The following XKR9 variants were observed in gnomAD, a reference collection of about 807,000 sequenced individuals.
XKR9 encodes the protein XK-related protein 9.
Under a neutral mutation model 32.0 loss-of-function variants are expected in XKR9, and 32 were observed. That is an observed-to-expected ratio of 1.00 (90% CI 0.76 to 1.34). The LOEUF (loss-of-function observed/expected upper bound fraction) is 1.34. Among genes scored for constraint, XKR9 ranks in the 40% most tolerant of loss-of-function variants. The pLI, the probability that XKR9 is intolerant of heterozygous loss-of-function variation, is 0.00. For missense variants in XKR9, 546 were observed against 429.7 expected (o/e 1.27, Z -2.39); for synonymous variants, 168 against 143.4 (o/e 1.17, Z -1.22).
At chr8:71,010,208 AGT>A in the XKR9 span, among the ~76,000 whole-genome samples, 1 of 152,214 alleles carries the variant, frequency 6.6e-6, no homozygotes, top group East Asian at 1.9e-4. Flanking sequence ...GCTGATAAGA[AGT>A]GTTTTCTGAA....
the XKR9 span, among the ~76,000 whole-genome samples, chr8:70,815,899 G>A: frequency 6.6e-6 from 1 of 152,000 alleles, no homozygotes; most frequent in African/African-American, 2.4e-5. Flanking sequence ...ATCATTGATG[G>A]GCATTTAAGT....
chr8:70,990,759 GAGAGAGAGAA>G, the XKR9 span, among the ~76,000 whole-genome samples: 1 of 140,810 alleles, frequency 7.1e-6, no homozygotes. Context: ...GAGAGAGAGA[GAGAGAGAGAA>G]AGAGAGAGAG....
intron 2 of XKR9, among the ~76,000 whole-genome samples, chr8:70,761,055 A>T (rs1003068587): frequency 6.6e-6 from 1 of 152,222 alleles, no homozygotes; most frequent in East Asian, 1.9e-4. Context: ...ATTCTTTTCT[A>T]TGGCTGCATA....
chr8:70,997,163 G>A, the XKR9 span, among the ~76,000 whole-genome samples: 1 of 152,034 alleles, frequency 6.6e-6, no homozygotes, highest in African/African-American at 2.4e-5. Context: ...CTGGCATTGT[G>A]GCAGGCACCT....
chr8:70,702,375 G>T (rs1371500451), intron 3 of XKR9, among the ~76,000 whole-genome samples: 1 of 151,996 alleles, frequency 6.6e-6, no homozygotes, highest in Non-Finnish European at 1.5e-5. Context: ...TATTCCATGT[G>T]CATTTGAAAA....
chr8:71,019,632 T>A, the XKR9 span, among the ~76,000 whole-genome samples: 1 of 152,180 alleles, frequency 6.6e-6, no homozygotes, highest in Non-Finnish European at 1.5e-5. Flanking sequence ...AAGGTTGAGG[T>A]TGATTAACTT....
At chr8:70,837,691 A>T in the XKR9 span, among the ~76,000 whole-genome samples, 27 of 152,088 alleles carry the variant, frequency 1.8e-4, no homozygotes, top group Non-Finnish European at 1.5e-4. Flanking sequence ...CCTGGTTTGG[A>T]GGCAGCAAGA....
the XKR9 span, among the ~76,000 whole-genome samples, chr8:70,808,934 T>C: frequency 6.6e-6 from 1 of 152,210 alleles, no homozygotes; most frequent in Non-Finnish European, 1.5e-5. Flanking sequence ...GTCTGACAGC[T>C]TTGAAGAGAG....
the XKR9 span, among the ~76,000 whole-genome samples, chr8:70,978,013 C>A: frequency 6.6e-6 from 1 of 152,244 alleles, no homozygotes; most frequent in Non-Finnish European, 1.5e-5. Flanking sequence ...CTCTTTTGAT[C>A]TTTGTTGGTT....
chr8:70,871,056 T>C, the XKR9 span, among the ~76,000 whole-genome samples: 1 of 152,314 alleles, frequency 6.6e-6, no homozygotes, highest in East Asian at 1.9e-4. Flanking sequence ...CAAGTTGTAA[T>C]TTATATCTTA....
chr8:70,908,375 A>G, the XKR9 span, among the ~76,000 whole-genome samples: 1 of 152,296 alleles, frequency 6.6e-6, no homozygotes, highest in South Asian at 2.1e-4. Flanking sequence ...AGTTCTGTCA[A>G]TATAACCCTC....
At chr8:70,885,071 C>T in the XKR9 span, among the ~76,000 whole-genome samples, 1 of 151,810 alleles carries the variant, frequency 6.6e-6, no homozygotes, top group Non-Finnish European at 1.5e-5. Context: ...TGTAGTTTTC[C>T]TTACACAGAT....
At chr8:70,997,598 G>A in the XKR9 span, among the ~76,000 whole-genome samples, 1,462 of 151,836 alleles carry the variant, frequency 9.6e-3, 23 homozygotes, top group African/African-American at 0.034. Context: ...TACAATGGAC[G>A]TTGGGGACAC....
chr8:70,802,119 G>A, the XKR9 span, among the ~76,000 whole-genome samples: 15 of 151,810 alleles, frequency 9.9e-5, no homozygotes, highest in East Asian at 2.9e-3. Flanking sequence ...TGTATTTTTA[G>A]TAGACACGGG....
chr8:70,941,743 G>C, the XKR9 span, among the ~76,000 whole-genome samples: 1 of 152,052 alleles, frequency 6.6e-6, no homozygotes, highest in Non-Finnish European at 1.5e-5. Flanking sequence ...GGCTACCATT[G>C]CTTAATGTTT....
the XKR9 span, among the ~76,000 whole-genome samples, chr8:70,861,557 G>C: frequency 6.6e-6 from 1 of 152,084 alleles, no homozygotes; most frequent in South Asian, 2.1e-4. Context: ...GGCTGAGGCA[G>C]GAGGATGGCT....
chr8:70,905,603 C>T, the XKR9 span, among the ~76,000 whole-genome samples: 1 of 152,182 alleles, frequency 6.6e-6, no homozygotes, highest in South Asian at 2.1e-4. Context: ...TATTACCAAT[C>T]ATCTGAAGCC....
Position 70,692,746 on chromosome 8 carries a change from T to C in XKR9, c.272+11416T>C, listed in dbSNP as rs1191368959. Among the ~76,000 whole-genome samples, 5 of 152,056 alleles carry C rather than the reference T, an allele frequency of 3.3e-5. No individual in the cohort carries two copies. The East Asian group carries it at 9.7e-4, about 30-fold the overall frequency. On this transcript the variant is annotated intron_variant, in intron 3 of 4. Coordinates refer to ENST00000408926, the MANE Select transcript of XKR9 (RefSeq NM_001011720.2). ...GGTGCCCACCGCCACATCCAGCTAA[T>C]TTTTTGTATTTTCAGTAGAGACGGG...
At chr8:70,709,796 G>A (rs949198467) in intron 4 of XKR9, among the ~76,000 whole-genome samples, 1 of 152,084 alleles carries the variant, frequency 6.6e-6, no homozygotes, top group Middle Eastern at 3.2e-3. Flanking sequence ...AAAAGAAATC[G>A]GTGGTGACAC....
Sources: gnomAD v4.1 joint callset for allele counts (sites outside exome capture counted in the v4.1 genomes callset) on GRCh38, gnomAD v4.1.1 for gene constraint, MANE v1.5 for transcripts, NCBI Gene and HGNC (gene_info 2026-07-23, HGNC 2026-07-21) for gene names.